INVS: variants seen among roughly 807,000 people sequenced by gnomAD.
INVS encodes the protein inversion of embryo turning homolog.
Under a neutral mutation model 108.8 loss-of-function variants are expected in INVS, and 86 were observed. That is an observed-to-expected ratio of 0.79 (90% CI 0.66 to 0.95). The LOEUF (loss-of-function observed/expected upper bound fraction) is 0.95, where lower values mean the gene tolerates loss of function less well. Among genes scored for constraint, INVS ranks in the 40% least tolerant of loss-of-function variants. INVS has a pLI of 0.00. For synonymous variants in INVS, 455 were observed against 473.5 expected, an observed-to-expected ratio of 0.96 and a Z score of 0.51; for missense variants, 1,169 against 1,297.4, an observed-to-expected ratio of 0.90 and a Z score of 1.52.
chr9:100,197,231 A>G (rs1368580791), intron 3 of INVS, among the ~76,000 whole-genome samples: 1 of 152,152 alleles, frequency 6.6e-6, no homozygotes, highest in Non-Finnish European at 1.5e-5. Flanking sequence ...CATGTTTACT[A>G]GTTTATTACA....
At chr9:100,206,152 C>T (rs568044197) in intron 3 of INVS, among the ~76,000 whole-genome samples, 39 of 152,120 alleles carry the variant, frequency 2.6e-4, no homozygotes, top group African/African-American at 8.9e-4. Flanking sequence ...TTAAGTAAGG[C>T]ATGAGTAGGG....
chr9:100,299,485 TGTCA>T (rs1404081469), intron 16 of INVS, among the ~76,000 whole-genome samples: 1 of 150,166 alleles, frequency 6.7e-6, no homozygotes, highest in Non-Finnish European at 1.5e-5. Context: ...TCCCTGCTCA[TGTCA>T]GTCTTCTACA....
intron 8 of INVS, among the ~76,000 whole-genome samples, chr9:100,249,068 T>A (rs1375832292): frequency 2.6e-5 from 4 of 152,046 alleles, no homozygotes; most frequent in African/African-American, 9.7e-5. Flanking sequence ...TTCAGTGATT[T>A]CACATTTGAA....
chr9:100,216,852 C>T (rs1371918169), intron 3 of INVS, among the ~76,000 whole-genome samples: 1 of 152,106 alleles, frequency 6.6e-6, no homozygotes, highest in Non-Finnish European at 1.5e-5. Context: ...GCTTTAATCC[C>T]ACCTCTCACC....
At chr9:100,187,525 CTTT>C (rs34728274) in intron 3 of INVS, among the ~76,000 whole-genome samples, 2 of 105,556 alleles carry the variant, frequency 1.9e-5, no homozygotes, top group African/African-American at 4.4e-5. Flanking sequence ...TCTATGATTT[CTTT>C]TTTTTTTTTT....
At chr9:100,274,515 CTTTTTTT>C (rs202214788) in intron 12 of INVS, among the ~76,000 whole-genome samples, 1 of 151,616 alleles carries the variant, frequency 6.6e-6, no homozygotes, top group Admixed American at 6.6e-5. Flanking sequence ...CAGGCAGATT[CTTTTTTT>C]TTGAGACAGT....
chr9:100,270,640 C>G (rs779095432), intron 11 of INVS, among the ~76,000 whole-genome samples: 4 of 149,192 alleles, frequency 2.7e-5, no homozygotes, highest in Non-Finnish European at 5.9e-5. Context: ...CCCAGCTACT[C>G]GGGAGGCTGA....
chr9:100,176,278 GA>G (rs1049807554), intron 3 of INVS, among the ~76,000 whole-genome samples: 16 of 151,982 alleles, frequency 1.1e-4, no homozygotes, highest in African/African-American at 3.9e-4. Flanking sequence ...TCTTTCTGGA[GA>G]AAAAAGGTTT....
intron 3 of INVS, among the ~76,000 whole-genome samples, chr9:100,212,471 G>T (rs1262424346): frequency 2.0e-5 from 3 of 151,510 alleles, no homozygotes; most frequent in African/African-American, 7.3e-5. Flanking sequence ...TAATGTTCAG[G>T]TCTATATGTA....
intron 2 of INVS, among the ~76,000 whole-genome samples, chr9:100,107,649 T>C (rs1284272262): frequency 2.0e-5 from 3 of 152,216 alleles, no homozygotes; most frequent in African/African-American, 7.2e-5. Flanking sequence ...GGTCACTTCT[T>C]CAAAGAGGCC....
intron 3 of INVS, among the ~76,000 whole-genome samples, chr9:100,177,010 G>C (rs1325029967): frequency 6.8e-6 from 1 of 147,740 alleles, no homozygotes; most frequent in Non-Finnish European, 1.5e-5. Flanking sequence ...AAAAAAAAAA[G>C]CAGCCAAAGA....
At chr9:100,132,020 A>C (rs1828069600) in intron 3 of INVS, 1 of 290,272 alleles carries the variant, frequency 3.4e-6, no homozygotes, top group South Asian at 1.3e-4. Context: ...TCCACGCCCC[A>C]GTCCCCTTCA....
intron 10 of INVS, among the ~76,000 whole-genome samples, chr9:100,256,413 C>T (rs1205979259): frequency 1.3e-5 from 2 of 152,022 alleles, no homozygotes; most frequent in African/African-American, 4.8e-5. Context: ...GTCTCTATCT[C>T]CTTCAGTTCT....
At chr9:100,177,744 A>G (rs1370626942) in intron 3 of INVS, among the ~76,000 whole-genome samples, 1 of 152,226 alleles carries the variant, frequency 6.6e-6, no homozygotes, top group African/African-American at 2.4e-5. Context: ...TGAAGAGAGC[A>G]GCAGATCTCC....
In INVS at chr9:100,229,801, G is replaced by T; in HGVS notation, c.589G>T (p.Ala197Ser). Residue 197 changes from alanine (A) to serine (S), a missense_variant, in exon 5 of 17, where the codon GCT (alanine) becomes TCT (serine). Coordinates refer to ENST00000262457, the MANE Select transcript of INVS (RefSeq NM_014425.5). ...HWAANHKDPS[A>S]VHTVRCILDA... The stretch of plus-strand genomic sequence containing the variant: ...GGCAGCCAACCATAAAGATCCAAGT[G>T]CTGTTCACACAGTGAGATGCATTCT... The T allele has an allele frequency of 2.5e-6, 4 of 1,614,144 alleles. No individual in the cohort carries two copies. The highest frequency in any genetic ancestry group is 3.4e-6 in the Non-Finnish European group (4 of 1,180,002).
chr9:100,121,840 C>A (rs1827733768), intron 2 of INVS, among the ~76,000 whole-genome samples: 1 of 151,948 alleles, frequency 6.6e-6, no homozygotes, highest in Non-Finnish European at 1.5e-5. Flanking sequence ...GCATTCATTA[C>A]TATATATTTC....
intron 3 of INVS, among the ~76,000 whole-genome samples, chr9:100,204,571 C>T (rs1432493636): frequency 6.6e-6 from 1 of 152,082 alleles, no homozygotes; most frequent in Non-Finnish European, 1.5e-5. Flanking sequence ...TTTCTACTCC[C>T]ATGATTCTCA....
intron 10 of INVS, among the ~76,000 whole-genome samples, chr9:100,255,297 G>T (rs1413423296): frequency 1.3e-5 from 2 of 152,212 alleles, no homozygotes; most frequent in Non-Finnish European, 2.9e-5. Flanking sequence ...TTGCCTATCA[G>T]CTTAAGGAGA....
At chr9:100,294,350 A>G (rs548311320) in intron 14 of INVS, among the ~76,000 whole-genome samples, 2 of 152,342 alleles carry the variant, frequency 1.3e-5, no homozygotes, top group African/African-American at 4.8e-5. Context: ...ATAGATTCCC[A>G]GGAGGTCCAG....
Sources: allele counts gnomAD v4.1 joint callset (sites outside exome capture counted in the v4.1 genomes callset), GRCh38; gene constraint gnomAD v4.1.1; transcripts MANE v1.5; gene names NCBI Gene and HGNC (gene_info 2026-07-23, HGNC 2026-07-21).